The following ABCA1 variants were observed in gnomAD, a reference collection of about 807,000 sequenced individuals.
The protein encoded by ABCA1 is phospholipid-transporting ATPase ABCA1.
A neutral mutation model predicts 262.5 loss-of-function variants in ABCA1; 133 were observed. The observed-to-expected ratio is 0.51, with a 90% CI of 0.44 to 0.59. The LOEUF (loss-of-function observed/expected upper bound fraction) is 0.59, where lower values mean the gene tolerates loss of function less well. Among genes scored for constraint, ABCA1 ranks in the 20% least tolerant of loss-of-function variants. The pLI is 0.00. For missense variants in ABCA1, 2,452 were observed against 2,777.5 expected, an observed-to-expected ratio of 0.88 and a Z score of 2.63; for synonymous variants, 1,022 against 1,043.5, an observed-to-expected ratio of 0.98 and a Z score of 0.40.
intron 30 of ABCA1, among the ~76,000 whole-genome samples, chr9:104,808,663 T>C (rs988757058): frequency 1.3e-5 from 2 of 152,228 alleles, no homozygotes; most frequent in African/African-American, 4.8e-5. Flanking sequence ...ATGCTCACTG[T>C]TCTGTGGTGT....
chr9:104,807,982 C>T (rs1830938902), intron 30 of ABCA1, among the ~76,000 whole-genome samples: 1 of 151,708 alleles, frequency 6.6e-6, no homozygotes, highest in African/African-American at 2.4e-5. Flanking sequence ...CTCCTTAAAG[C>T]ACCTGAACTG....
At position 104,926,079 on chromosome 9, in the gene ABCA1, G is replaced by A. The variant is rs145908131; in HGVS notation, c.-93+1856C>T. Among the ~76,000 whole-genome samples the A allele has an allele frequency of 1.5e-4, 23 of 152,118 alleles. No homozygotes were observed. The East Asian group carries it at 3.9e-3, about 26-fold the overall frequency. On this transcript the variant is annotated intron_variant, in intron 1 of 49. Transcript: ENST00000374736. ...TTTAACTTGGGGGAAATTTTTGTGAGGTTCTCTTCGTGGGAAGCAGGGATT... is the reference window on the plus strand; with the variant it reads ...TTTAACTTGGGGGAAATTTTTGTGAAGTTCTCTTCGTGGGAAGCAGGGATT...
At chr9:104,843,815 G>A (rs1778001080) in intron 8 of ABCA1, among the ~76,000 whole-genome samples, 1 of 152,182 alleles carries the variant, frequency 6.6e-6, no homozygotes, top group Admixed American at 6.5e-5. Flanking sequence ...TTATCTCACA[G>A]AAATAGCAAG....
At position 104,898,928 on chromosome 9, in the gene ABCA1, C is replaced by T. The variant is rs544638074; in HGVS notation, c.66+4686G>A. Among the ~76,000 whole-genome samples the T allele has an allele frequency of 2.0e-5, 3 of 152,294 alleles. No homozygotes were observed. In the South Asian group the frequency reaches 6.2e-4, roughly 32 times the overall value. On this transcript the variant is annotated intron_variant, in intron 2 of 49. Transcript: ENST00000374736. ...TTTGCCGGATTTTTTCCTTCATAAT[C>T]CTCATCACAGTTGATAGTTATATTT...
intron 33 of ABCA1, among the ~76,000 whole-genome samples, chr9:104,802,689 C>G (rs1355631173): frequency 6.6e-6 from 1 of 152,220 alleles, no homozygotes; most frequent in Non-Finnish European, 1.5e-5. Flanking sequence ...TTCGGGCCCC[C>G]TGACGTAGCC....
chr9:104,871,035 C>G (rs1441739400), intron 5 of ABCA1, among the ~76,000 whole-genome samples: 1 of 152,200 alleles, frequency 6.6e-6, no homozygotes, highest in Non-Finnish European at 1.5e-5. Flanking sequence ...TTCAGGCCAT[C>G]TGGGCGTATA....
intron 3 of ABCA1, among the ~76,000 whole-genome samples, chr9:104,885,491 T>C (rs147012455): frequency 6.6e-6 from 1 of 152,130 alleles, no homozygotes; most frequent in African/African-American, 2.4e-5. Flanking sequence ...CACACAGGCT[T>C]GGGGTCTGAT....
rs909007060 is a variant in ABCA1 at position 104,786,764 on chromosome 9, G to T, written c.6308+109C>A. On this transcript the variant is annotated intron_variant, in intron 47 of 49. Coordinates refer to ENST00000374736, the MANE Select transcript of ABCA1 (RefSeq NM_005502.4). ...GCATATATAATTTCAGGTAATAATTGTTTTACTCTTTGCTTTTCTGTATTT... is the reference window on the plus strand; with the variant it reads ...GCATATATAATTTCAGGTAATAATTTTTTTACTCTTTGCTTTTCTGTATTT... The T allele has an allele frequency of 3.7e-5, 39 of 1,051,082 alleles. No homozygotes were observed. The South Asian group carries it at 4.9e-4, about 13-fold the overall frequency. The allele number at this position is 1,051,082 out of a possible 1,614,324, so 65.1% of individuals were successfully genotyped here. A position where few individuals can be genotyped will look rare whatever the true frequency, so the allele number is the denominator to read the frequency against.
chr9:104,926,156 T>A (rs1446660843), intron 1 of ABCA1, among the ~76,000 whole-genome samples: 1 of 152,206 alleles, frequency 6.6e-6, no homozygotes, highest in African/African-American at 2.4e-5. Context: ...AAGGTTTTTT[T>A]AAATATGAAA....
intron 27 of ABCA1, among the ~76,000 whole-genome samples, chr9:104,813,602 G>A (rs561490548): frequency 7.2e-5 from 11 of 152,178 alleles, no homozygotes; most frequent in African/African-American, 1.9e-4. Flanking sequence ...TAGTAGAGAC[G>A]GGGTTTCACC....
chr9:104,837,457 T>C lies in ABCA1; in HGVS notation c.1165A>G (p.Thr389Ala). The change falls in exon 10 of 50, where the codon ACT becomes GCT. Residue 389 changes from threonine to alanine, a missense_variant. Thr to Ala is a moderately conservative substitution (Grantham distance 58). Transcript: ENST00000374736. ...GCCATGACCTGCCTTGTGGCTGGAGTGTCAGGTGTATACAGGATCTTCCCA... is the reference window on the plus strand; with the variant it reads ...GCCATGACCTGCCTTGTGGCTGGAGCGTCAGGTGTATACAGGATCTTCCCA... ...LVGKILYTPD[T>A]PATRQVMAEV... is the part of the protein sequence containing the mutation. 2 of 1,613,576 alleles carry C rather than the reference T, an allele frequency of 1.2e-6. No homozygotes were observed. The highest frequency in any genetic ancestry group is 8.5e-7 in the Non-Finnish European group (1 of 1,179,860).
chr9:104,852,444 G>T (rs1033080249), intron 7 of ABCA1, among the ~76,000 whole-genome samples: 1 of 152,070 alleles, frequency 6.6e-6, no homozygotes, highest in Non-Finnish European at 1.5e-5. Context: ...GCATTCAAAC[G>T]CTTCATTTTT....
At chr9:104,814,297 G>A in intron 26 of ABCA1, 66 bp from the exon 27 acceptor site, 1 of 1,569,310 alleles carries the variant, frequency 6.4e-7, no homozygotes, top group Non-Finnish European at 8.8e-7. Flanking sequence ...TTCCCCATCT[G>A]CAACAAACCT....
rs549603231 is a variant in ABCA1, at chr9:104,781,629, G to C, written c.*2686C>G. ...TCAGTACAGATAATGAAATACAGTA[G>C]TGTGAGGTTTGGTTGTTTTTTAACA... On this transcript the variant is annotated 3_prime_UTR_variant, in exon 50 of 50. Coordinates refer to ENST00000374736, the MANE Select transcript of ABCA1 (RefSeq NM_005502.4). 1 of 152,750 alleles carries C rather than the reference G, an allele frequency of 6.5e-6. No homozygotes were observed. Among genetic ancestry groups the C allele is most frequent in the South Asian group, 2.1e-4 (1 of 4,830 alleles). The allele number at this position is 152,750 out of a possible 1,614,324, so 9.5% of individuals were successfully genotyped here. A position where few individuals can be genotyped will look rare whatever the true frequency, so the allele number is the denominator to read the frequency against.
Position 104,884,520 on chromosome 9 carries a change from A to T in ABCA1, c.209T>A (p.Val70Asp). The T allele has an allele frequency of 6.2e-7, 1 of 1,614,202 alleles. No homozygotes were observed. Among genetic ancestry groups the T allele is most frequent in the Non-Finnish European group, 8.5e-7 (1 of 1,180,024 alleles). Residue 70 changes from valine (V) to aspartate (D), a missense_variant, in exon 4 of 50, where the codon GTT becomes GAT. Coordinates refer to ENST00000374736, the MANE Select transcript of ABCA1 (RefSeq NM_005502.4). ...AMPSAGTLPW[V>D]QGIICNANNP... ...GTTGGCATTACAGATAATCCCCTGA[A>T]CCCAAGGAAGTGTTCCTGCAGAGGG...
rs537492097 is a variant in ABCA1, at chr9:104,806,229, A to G, written c.4464+12T>C. ...ACCCCTTCTGCCCAATCACCCCCTG[A>G]AAGTGACTCACTTGTGGAGGAGGCA... On this transcript the variant is annotated intron_variant, in intron 31 of 49. Transcript: ENST00000374736. The G allele has an allele frequency of 2.3e-4, 378 of 1,612,322 alleles. 3 individuals carry two copies. The South Asian group carries it at 3.9e-3, about 17-fold the overall frequency.
At chr9:104,847,676 A>G (rs1835014658) in intron 7 of ABCA1, among the ~76,000 whole-genome samples, 1 of 152,196 alleles carries the variant, frequency 6.6e-6, no homozygotes, top group Non-Finnish European at 1.5e-5. Context: ...GCCACACTCC[A>G]ATGTGCTGTC....
intron 1 of ABCA1, among the ~76,000 whole-genome samples, chr9:104,911,513 T>C (rs1352411413): frequency 1.3e-5 from 2 of 152,162 alleles, no homozygotes; most frequent in African/African-American, 4.8e-5. Context: ...GGAGGGGATA[T>C]TGAGAGTCAT....
At position 104,828,963 on chromosome 9, in the gene ABCA1, G is replaced by C. The variant is rs778709233; in HGVS notation, c.2068C>G (p.Leu690Val). Residue 690 changes from leucine to valine, a missense_variant, in exon 15 of 50, where the codon CTC becomes GTC. Leu to Val is a conservative substitution (Grantham distance 32). Transcript: ENST00000374736. ...CCAGCGCTCACAAGAAGAGGAATGA[G>C]GCTACTAATGAACCAGCTAAACCAG... Reference protein sequence around the residue: ...ILWFSWFISSLIPLLVSAGLL... With the variant: ...ILWFSWFISSVIPLLVSAGLL... The C allele has an allele frequency of 2.5e-6, 4 of 1,614,158 alleles. No individual in the cohort carries two copies. Among genetic ancestry groups the C allele is most frequent in the Middle Eastern group, 1.6e-4 (1 of 6,062 alleles).
Sources: gnomAD v4.1 joint callset for allele counts (sites outside exome capture counted in the v4.1 genomes callset) on GRCh38, gnomAD v4.1.1 for gene constraint, MANE v1.5 for transcripts, NCBI Gene and HGNC (gene_info 2026-07-23, HGNC 2026-07-21) for gene names.